NF1: variants seen among roughly 807,000 people sequenced by gnomAD.
NF1 encodes the protein neurofibromin.
A neutral mutation model predicts 325.7 loss-of-function variants in NF1; 122 were observed. The ratio of observed to expected loss-of-function variants is 0.37; its 90% CI spans 0.32 to 0.44. NF1 has a LOEUF of 0.44. Ranked by LOEUF, NF1 falls within the 20% of genes least tolerant of loss-of-function variation. NF1 has a pLI of 1.00. For missense variants in NF1, 2,140 were observed against 3,415.4 expected, an observed-to-expected ratio of 0.63 and a Z score of 9.31; for synonymous variants, 1,091 against 1,186.0, an observed-to-expected ratio of 0.92 and a Z score of 1.65.
intron 36 of NF1, among the ~76,000 whole-genome samples, chr17:31,309,815 C>T (rs1205242280): frequency 6.6e-6 from 1 of 152,154 alleles, no homozygotes; most frequent in Non-Finnish European, 1.5e-5. Flanking sequence ...GTGGAACCCT[C>T]CATGTATGAG....
chr17:31,374,159 TTGC>T lies in NF1; in HGVS notation c.*6_*8del. ...TAGCATTAAGAAGATCGTGTGAAGC[TTGC>T]TTGCTTTCTTTTTTAAAATCAACTT... is the stretch of plus-strand genomic sequence containing the variant. On this transcript the variant is annotated 3_prime_UTR_variant, in exon 58 of 58. Coordinates refer to ENST00000358273, the MANE Select transcript of NF1 (RefSeq NM_001042492.3). The T allele has an allele frequency of 1.2e-6, 2 of 1,613,986 alleles. No homozygotes were observed. The highest frequency in any genetic ancestry group is 1.7e-6 in the Non-Finnish European group (2 of 1,179,914).
intron 27 of NF1, 115 bp from the exon 28 acceptor site, chr17:31,235,496 C>T (rs2067183051): frequency 3.8e-6 from 4 of 1,045,078 alleles, no homozygotes; most frequent in Non-Finnish European, 4.5e-6. Flanking sequence ...CATCATTTGC[C>T]TTAATTTAGC....
At chr17:31,295,683 A>C in intron 36 of NF1, 1 of 1,614,100 alleles carries the variant, frequency 6.2e-7, no homozygotes, top group South Asian at 1.1e-5. Flanking sequence ...ATCTCTTGCA[A>C]CTGAAAGAGT....
intron 36 of NF1, among the ~76,000 whole-genome samples, chr17:31,276,632 G>A (rs544254862): frequency 3.9e-5 from 6 of 152,222 alleles, no homozygotes; most frequent in South Asian, 2.1e-4. Context: ...TTAATGTTGC[G>A]CTGCAGAAAT....
At chr17:31,141,738 G>C (rs1916232669) in intron 1 of NF1, among the ~76,000 whole-genome samples, 1 of 152,148 alleles carries the variant, frequency 6.6e-6, no homozygotes, top group Non-Finnish European at 1.5e-5. Flanking sequence ...GTCTCTTGAG[G>C]TTGCAGTCAA....
At chr17:31,320,661 T>G in intron 36 of NF1, 1 of 430,356 alleles carries the variant, frequency 2.3e-6, no homozygotes, top group Non-Finnish European at 4.2e-6. Context: ...GGATTAAGAT[T>G]ACTTTTTAGA....
chr17:31,111,082 C>G (rs1312081894), intron 1 of NF1, among the ~76,000 whole-genome samples: 1 of 151,912 alleles, frequency 6.6e-6, no homozygotes, highest in Non-Finnish European at 1.5e-5. Flanking sequence ...CAAACCCCCC[C>G]ATTAATAATT....
intron 36 of NF1, among the ~76,000 whole-genome samples, chr17:31,269,521 T>C (rs549647648): frequency 6.6e-6 from 1 of 152,312 alleles, no homozygotes; most frequent in Admixed American, 6.5e-5. Flanking sequence ...AGAAATGCAA[T>C]TCAAATTTAT....
At chr17:31,352,223 T>A in intron 50 of NF1, 34 bp from the exon 51 acceptor site, 1 of 1,600,864 alleles carries the variant, frequency 6.2e-7, no homozygotes. Context: ...GTCACCATAT[T>A]AATTGATTTT....
chr17:31,313,720 A>AATG (rs1491534857), intron 36 of NF1, among the ~76,000 whole-genome samples: 11 of 101,238 alleles, frequency 1.1e-4, no homozygotes, highest in Middle Eastern at 4.9e-3. Context: ...AAAAAAAAAA[A>AATG]TATGTGTGTG....
At chr17:31,296,147 A>C (rs767726355) in intron 36 of NF1, 2 of 1,611,112 alleles carry the variant, frequency 1.2e-6, no homozygotes, top group South Asian at 2.2e-5. Flanking sequence ...GTTATAAGAC[A>C]GGTTTAAATG....
At chr17:31,294,242 T>G (rs1163237710) in intron 36 of NF1, among the ~76,000 whole-genome samples, 1 of 152,358 alleles carries the variant, frequency 6.6e-6, no homozygotes, top group East Asian at 1.9e-4. Flanking sequence ...AAATCTGCAC[T>G]AAAACTGCTT....
chr17:31,335,853 A>ATTTTT (rs71360768), intron 40 of NF1, among the ~76,000 whole-genome samples: 3 of 112,798 alleles, frequency 2.7e-5, no homozygotes, highest in Admixed American at 9.7e-5. Flanking sequence ...TAATTTTTGT[A>ATTTTT]TTTTTTTTTT....
intron 8 of NF1, among the ~76,000 whole-genome samples, chr17:31,186,974 C>T (rs921318918): frequency 6.6e-6 from 1 of 152,182 alleles, no homozygotes; most frequent in Non-Finnish European, 1.5e-5. Flanking sequence ...TGGACCTCTT[C>T]CATCACGGAA....
intron 36 of NF1, among the ~76,000 whole-genome samples, chr17:31,273,860 C>A (rs1158796722): frequency 6.6e-6 from 1 of 152,132 alleles, no homozygotes; most frequent in Non-Finnish European, 1.5e-5. Flanking sequence ...ATTCCTCTTA[C>A]CATGTATACA....
chr17:31,234,067 C>T (rs1226674146), intron 27 of NF1, among the ~76,000 whole-genome samples: 4 of 152,178 alleles, frequency 2.6e-5, no homozygotes, highest in Admixed American at 2.0e-4. Context: ...GCTGCTGCCA[C>T]CACCTGAAAT....
chr17:31,134,193 T>C (rs1023099708), intron 1 of NF1, among the ~76,000 whole-genome samples: 2 of 152,184 alleles, frequency 1.3e-5, no homozygotes, highest in African/African-American at 4.8e-5. Context: ...TTTCTGACTT[T>C]TAGAGTTATA....
chr17:31,300,933 A>G (rs1386776045), intron 36 of NF1, among the ~76,000 whole-genome samples: 1 of 152,102 alleles, frequency 6.6e-6, no homozygotes, highest in Non-Finnish European at 1.5e-5. Flanking sequence ...AGACCATTTA[A>G]ATGTTTTCTC....
intron 20 of NF1, among the ~76,000 whole-genome samples, chr17:31,228,562 T>C (rs1191775256): frequency 3.3e-5 from 5 of 152,092 alleles, no homozygotes; most frequent in Non-Finnish European, 7.4e-5. Context: ...ATTTCATCAA[T>C]TGAGAAAAAA....
Sources: allele counts gnomAD v4.1 joint callset (sites outside exome capture counted in the v4.1 genomes callset), GRCh38; gene constraint gnomAD v4.1.1; transcripts MANE v1.5; gene names NCBI Gene and HGNC (gene_info 2026-07-23, HGNC 2026-07-21).